Variants in CAMK2D observed in about 807,000 individuals in gnomAD.
CAMK2D encodes calcium/calmodulin-dependent protein kinase type II subunit delta.
Under a neutral mutation model 84.0 loss-of-function variants are expected in CAMK2D, and 37 were observed. The observed-to-expected ratio is 0.44, with a 90% CI of 0.34 to 0.58. The LOEUF (loss-of-function observed/expected upper bound fraction) is 0.58, where lower values mean the gene tolerates loss of function less well. Ranked by LOEUF, CAMK2D falls within the 20% of genes least tolerant of loss-of-function variation. CAMK2D has a pLI of 0.02. For missense variants in CAMK2D, 448 were observed against 652.5 expected, an observed-to-expected ratio of 0.69 and a Z score of 3.41; for synonymous variants, 202 against 212.5, an observed-to-expected ratio of 0.95 and a Z score of 0.43.
chr4:113,560,420 G>A (rs902285456), intron 4 of CAMK2D, among the ~76,000 whole-genome samples: 9 of 152,052 alleles, frequency 5.9e-5, no homozygotes, highest in Admixed American at 2.0e-4. Context: ...ATCTAGTCTC[G>A]TGGAGAAAAT....
chr4:113,719,404 C>G lies in CAMK2D; in HGVS notation c.160+39916G>C, dbSNP rs150953155. Among the ~76,000 whole-genome samples, 1,244 of 152,288 alleles carry G rather than the reference C, an allele frequency of 8.2e-3. 6 individuals carry two copies. The highest frequency in any genetic ancestry group is 0.013 in the Non-Finnish European group (873 of 68,004). On this transcript the variant is annotated intron_variant, in intron 2 of 20. Transcript: ENST00000511664. Reference sequence around the variant, plus strand: ...TTTCATATTATGCTGTTTTCCTGTTCTTGCTCAAGCTATCTTATAAAAACT... The same window carrying G: ...TTTCATATTATGCTGTTTTCCTGTTGTTGCTCAAGCTATCTTATAAAAACT...
intron 4 of CAMK2D, among the ~76,000 whole-genome samples, chr4:113,568,625 G>C (rs371823436): frequency 3.9e-5 from 6 of 152,138 alleles, no homozygotes; most frequent in Non-Finnish European, 8.8e-5. Context: ...GTAATTCTAT[G>C]TTTAACTGTG....
intron 3 of CAMK2D, among the ~76,000 whole-genome samples, chr4:113,656,284 G>T (rs916924159): frequency 1.3e-5 from 2 of 152,062 alleles, no homozygotes; most frequent in Non-Finnish European, 2.9e-5. Context: ...CTTTAAAAAC[G>T]GGCTGTACTC....
intron 2 of CAMK2D, among the ~76,000 whole-genome samples, chr4:113,730,001 A>G (rs2099559556): frequency 6.6e-6 from 1 of 152,212 alleles, no homozygotes; most frequent in South Asian, 2.1e-4. Context: ...AAGCAGCTTG[A>G]AGAGACTAAG....
intron 2 of CAMK2D, among the ~76,000 whole-genome samples, chr4:113,732,142 G>A (rs2099570536): frequency 6.6e-6 from 1 of 150,776 alleles, no homozygotes; most frequent in South Asian, 2.1e-4. Flanking sequence ...TTTTCTTTAA[G>A]AGACAAGGTC....
intron 4 of CAMK2D, among the ~76,000 whole-genome samples, chr4:113,564,793 T>C (rs2098714662): frequency 6.6e-6 from 1 of 152,234 alleles, no homozygotes; most frequent in Non-Finnish European, 1.5e-5. Context: ...CCTATTCTTC[T>C]AGTCATTTGC....
chr4:113,457,128 C>T (rs1488940748), intron 19 of CAMK2D: 6 of 1,311,396 alleles, frequency 4.6e-6, no homozygotes, highest in Admixed American at 5.8e-5. Flanking sequence ...TCATATACTG[C>T]TCTATAGCAA....
intron 2 of CAMK2D, among the ~76,000 whole-genome samples, chr4:113,735,144 A>C (rs2099577935): frequency 6.6e-6 from 1 of 151,664 alleles, no homozygotes; most frequent in Non-Finnish European, 1.5e-5. Flanking sequence ...ATATATATAA[A>C]ATTCTGCCTT....
At chr4:113,702,861 T>G (rs989434059) in intron 2 of CAMK2D, among the ~76,000 whole-genome samples, 2 of 152,202 alleles carry the variant, frequency 1.3e-5, no homozygotes, top group Non-Finnish European at 2.9e-5. Context: ...ATTGTGCAAC[T>G]GAATACCATC....
intron 2 of CAMK2D, among the ~76,000 whole-genome samples, chr4:113,699,644 A>C (rs2099412444): frequency 6.6e-6 from 1 of 152,206 alleles, no homozygotes; most frequent in Non-Finnish European, 1.5e-5. Flanking sequence ...CCCCACATCA[A>C]AATAACAAAA....
At chr4:113,692,307 A>C (rs1561865319) in intron 2 of CAMK2D, among the ~76,000 whole-genome samples, 1 of 152,102 alleles carries the variant, frequency 6.6e-6, no homozygotes, top group Non-Finnish European at 1.5e-5. Flanking sequence ...CGTTCACTAC[A>C]TTAAAATATG....
chr4:113,720,182 G>C (rs1175185560), intron 2 of CAMK2D, among the ~76,000 whole-genome samples: 3 of 152,012 alleles, frequency 2.0e-5, no homozygotes, highest in Non-Finnish European at 2.9e-5. Context: ...CAAATCATTA[G>C]TCTATTTGGG....
intron 2 of CAMK2D, among the ~76,000 whole-genome samples, chr4:113,677,015 G>A (rs977352851): frequency 3.3e-5 from 5 of 152,126 alleles, no homozygotes; most frequent in African/African-American, 9.7e-5. Context: ...CCCTAAAGGC[G>A]AAGAGCTAAA....
intron 20 of CAMK2D, 82 bp from the exon 21 acceptor site, chr4:113,454,597 A>G: frequency 1.3e-6 from 1 of 756,908 alleles, no homozygotes. Flanking sequence ...AGATTTGACT[A>G]GGCTACAGTT....
At chr4:113,634,765 C>T (rs2099103428) in intron 3 of CAMK2D, among the ~76,000 whole-genome samples, 1 of 152,126 alleles carries the variant, frequency 6.6e-6, no homozygotes, top group African/African-American at 2.4e-5. Context: ...AGTAAATAAA[C>T]AGTCATGAAA....
At chr4:113,677,812 A>G (rs1338859105) in intron 2 of CAMK2D, among the ~76,000 whole-genome samples, 1 of 152,142 alleles carries the variant, frequency 6.6e-6, no homozygotes, top group African/African-American at 2.4e-5. Flanking sequence ...TCATGTATAC[A>G]GAGGAAAAAA....
chr4:113,738,224 T>C (rs2099585667), intron 2 of CAMK2D, among the ~76,000 whole-genome samples: 1 of 147,944 alleles, frequency 6.8e-6, no homozygotes, highest in Non-Finnish European at 1.5e-5. Context: ...AAAAAAAAAC[T>C]ACTGTGAGAA....
rs895609741 is a variant in CAMK2D at position 113,451,750 on chromosome 4, C to A, written c.*2795G>T. On this transcript the variant is annotated 3_prime_UTR_variant, in exon 21 of 21. Coordinates refer to ENST00000511664, the MANE Select transcript of CAMK2D (RefSeq NM_001321571.2). ...AGACATTATACTGCAGTAGAGGAGA[C>A]ACAAATAGAAATATATTTTCAAAAC... The A allele has an allele frequency of 6.6e-6, 1 of 152,020 alleles. No individual in the cohort carries two copies. The highest frequency in any genetic ancestry group is 1.5e-5 in the Non-Finnish European group (1 of 68,032). 9.4% of individuals were successfully genotyped at this position (152,020 alleles called of 1,614,324 possible). A position where few individuals can be genotyped will look rare whatever the true frequency, so the allele number is the denominator to read the frequency against.
At chr4:113,750,574 T>C (rs2099614807) in intron 2 of CAMK2D, among the ~76,000 whole-genome samples, 1 of 152,208 alleles carries the variant, frequency 6.6e-6, no homozygotes, top group Non-Finnish European at 1.5e-5. Flanking sequence ...GGAAGGAATG[T>C]CTGTCTTTTA....
Sources: allele counts gnomAD v4.1 joint callset (sites outside exome capture counted in the v4.1 genomes callset), GRCh38; gene constraint gnomAD v4.1.1; transcripts MANE v1.5; gene names NCBI Gene and HGNC (gene_info 2026-07-23, HGNC 2026-07-21).